The following FGF13 variants were observed in gnomAD, a reference collection of about 807,000 sequenced individuals.
FGF13 encodes the protein fibroblast growth factor 13.
FGF13 carries 2 observed loss-of-function variants against 19.5 expected under a neutral mutation model. The observed-to-expected ratio is 0.10, with a 90% CI of 0.04 to 0.32. The LOEUF (loss-of-function observed/expected upper bound fraction) is 0.32, where lower values mean the gene tolerates loss of function less well. Ranked by LOEUF, FGF13 falls within the 10% of genes least tolerant of loss-of-function variation. The probability of loss-of-function intolerance (pLI) is 1.00; values close to 1 mark genes in which losing one functional copy is unlikely to be tolerated. For synonymous variants in FGF13, 72 were observed against 76.9 expected (o/e 0.94, Z 0.33); for missense variants, 113 against 192.7 (o/e 0.59, Z 2.45).
intron 1 of FGF13, 148 bp from the exon 2 acceptor site, chrX:138,709,076 ACT>A (rs1054834306): frequency 2.1e-5 from 8 of 381,711 alleles, no homozygotes; most frequent in Non-Finnish European, 9.1e-6. Flanking sequence ...AAGAAAACAA[ACT>A]CTGAGTTTCA....
intron 1 of FGF13, among the ~76,000 whole-genome samples, chrX:138,726,515 C>T (rs972509122): frequency 8.9e-6 from 1 of 112,337 alleles, no homozygotes; most frequent in Non-Finnish European, 1.9e-5. Context: ...GTAGTACAGA[C>T]TCAATAAATT....
At chrX:138,997,232 G>A (rs2092047398) in intron 1 of FGF13, among the ~76,000 whole-genome samples, 1 of 112,270 alleles carries the variant, frequency 8.9e-6, no homozygotes. Flanking sequence ...GGAGGAACCA[G>A]CGCAGAAAGG....
At chrX:139,169,664 C>T (rs752356311) in intron 1 of FGF13, among the ~76,000 whole-genome samples, 3 of 110,865 alleles carry the variant, frequency 2.7e-5, no homozygotes, top group Admixed American at 9.7e-5. Context: ...TTCATGAATT[C>T]GGCCTGATTG....
chrX:138,674,724 C>G (rs2089647984), intron 3 of FGF13, among the ~76,000 whole-genome samples: 1 of 110,706 alleles, frequency 9.0e-6, no homozygotes, highest in East Asian at 2.9e-4. Context: ...GGAGATGGGG[C>G]AGAGGGCAGA....
At chrX:139,068,350 T>C (rs1412382263) in intron 1 of FGF13, among the ~76,000 whole-genome samples, 1 of 102,888 alleles carries the variant, frequency 9.7e-6, no homozygotes, top group African/African-American at 3.9e-5. Flanking sequence ...TCTATATCTC[T>C]GTTTTGGTAC....
At chrX:138,786,765 G>A (rs1162166920) in intron 3 of FGF13, among the ~76,000 whole-genome samples, 5 of 111,751 alleles carry the variant, frequency 4.5e-5, no homozygotes, top group African/African-American at 1.3e-4. Context: ...AGTGTGTGAT[G>A]CTGGGCAAGG....
chrX:138,817,224 T>C (rs186824571), intron 3 of FGF13, among the ~76,000 whole-genome samples: 90 of 111,483 alleles, frequency 8.1e-4, no homozygotes, highest in Non-Finnish European at 1.1e-3. Context: ...GAGTCCTGCT[T>C]AATAGGACTT....
chrX:138,864,909 C>A (rs1035815247), intron 1 of FGF13, among the ~76,000 whole-genome samples: 4 of 111,719 alleles, frequency 3.6e-5, no homozygotes, highest in Admixed American at 9.5e-5. Flanking sequence ...ATAGCTTTAG[C>A]TCATTGCACT....
At chrX:138,845,703 A>C (rs945130822) in intron 3 of FGF13, among the ~76,000 whole-genome samples, 20 of 111,344 alleles carry the variant, frequency 1.8e-4, no homozygotes. Context: ...TCCCTCACTA[A>C]ATATTCTGGG....
intron 3 of FGF13, among the ~76,000 whole-genome samples, chrX:138,647,662 A>G (rs1602652317): frequency 8.9e-6 from 1 of 112,342 alleles, no homozygotes; most frequent in African/African-American, 3.2e-5. Context: ...GATTTTGATG[A>G]CATTAAATTT....
chrX:138,694,364 TC>T (rs2089869280), intron 3 of FGF13, among the ~76,000 whole-genome samples: 1 of 111,509 alleles, frequency 9.0e-6, no homozygotes, highest in African/African-American at 3.3e-5. Flanking sequence ...GAATGCGGAA[TC>T]CAGAAATTGC....
intron 1 of FGF13, among the ~76,000 whole-genome samples, chrX:139,185,859 T>C (rs2084279113): frequency 8.9e-6 from 1 of 112,058 alleles, no homozygotes; most frequent in African/African-American, 3.2e-5. Flanking sequence ...CATAAGTGAT[T>C]TTCTGTTGCA....
At position 138,972,549 on chromosome X, in the gene FGF13, G is replaced by A. The variant is rs998375655; in HGVS notation, c.-112-107899C>T. Among the ~76,000 whole-genome samples the A allele has an allele frequency of 4.6e-5, 5 of 109,513 alleles. No individual in the cohort carries two copies. In the Admixed American group the frequency reaches 4.9e-4, roughly 11 times the overall value. On this transcript the variant is annotated intron_variant, in intron 1 of 2. Transcript: ENST00000421460. Reference sequence around the variant, plus strand: ...TTTTTTCGTATTTTTAGTACACACGGGGTTTCACCATGTTAGCCAGGATGG... The same window carrying A: ...TTTTTTCGTATTTTTAGTACACACGAGGTTTCACCATGTTAGCCAGGATGG...
intron 1 of FGF13, among the ~76,000 whole-genome samples, chrX:138,891,999 C>CGTGTGTGTGT (rs1569419108): frequency 3.0e-4 from 12 of 39,952 alleles, no homozygotes; most frequent in African/African-American, 2.0e-3. Flanking sequence ...TCTATATATA[C>CGTGTGTGTGT]ATATGTGTGT....
At chrX:138,779,851 A>T (rs1478285336) in intron 3 of FGF13, among the ~76,000 whole-genome samples, 1 of 105,706 alleles carries the variant, frequency 9.5e-6, no homozygotes, top group Non-Finnish European at 1.9e-5. Flanking sequence ...CAACTCCAAG[A>T]CACATAATTG....
At chrX:139,194,828 A>C (rs2148279941) in intron 1 of FGF13, among the ~76,000 whole-genome samples, 1 of 111,217 alleles carries the variant, frequency 9.0e-6, no homozygotes, top group African/African-American at 3.3e-5. Flanking sequence ...CTTCCCCCGG[A>C]CTGCGACCAC....
chrX:138,919,477 T>A (rs1397662931), intron 1 of FGF13, among the ~76,000 whole-genome samples: 1 of 111,905 alleles, frequency 8.9e-6, no homozygotes, highest in Non-Finnish European at 1.9e-5. Flanking sequence ...CTCTTGGGCA[T>A]TTATCCTAGA....
At chrX:138,870,415 A>C (rs7887512) in intron 1 of FGF13, among the ~76,000 whole-genome samples, 11,546 of 111,750 alleles carry the variant, frequency 0.1, 1,463 homozygotes, top group African/African-American at 0.35. Context: ...TATCAAGATG[A>C]AGAGCTGATT....
chrX:138,869,922 A>C (rs1442292060), intron 1 of FGF13, among the ~76,000 whole-genome samples: 1 of 111,523 alleles, frequency 9.0e-6, no homozygotes, highest in Non-Finnish European at 1.9e-5. Context: ...CCAGGTTAGA[A>C]CCCGCTCCAA....
Sources: gnomAD v4.1 joint callset for allele counts (sites outside exome capture counted in the v4.1 genomes callset) on GRCh38, gnomAD v4.1.1 for gene constraint, MANE v1.5 for transcripts, NCBI Gene and HGNC (gene_info 2026-07-23, HGNC 2026-07-21) for gene names.